Variants in CDH18 observed in about 807,000 individuals in gnomAD.
The protein encoded by CDH18 is cadherin 18, also known as cadherin-18.
Under a neutral mutation model 67.9 loss-of-function variants are expected in CDH18, and 31 were observed. The observed-to-expected ratio is 0.46, with a 90% CI of 0.34 to 0.62. The LOEUF is 0.62. Among genes scored for constraint, CDH18 ranks in the 20% least tolerant of loss-of-function variants. The probability of loss-of-function intolerance (pLI) is 0.01; values close to 1 mark genes in which losing one functional copy is unlikely to be tolerated. For missense variants in CDH18, 890 were observed against 975.5 expected (o/e 0.91, Z 1.17); for synonymous variants, 362 against 347.2 (o/e 1.04, Z -0.48).
chr5:20,412,233 A>T (rs1454787154), intron 1 of CDH18, among the ~76,000 whole-genome samples: 2 of 152,190 alleles, frequency 1.3e-5, no homozygotes, highest in Non-Finnish European at 2.9e-5. Context: ...CAACCAACGG[A>T]TCTTTGACAA....
intron 5 of CDH18, among the ~76,000 whole-genome samples, chr5:19,619,209 G>T (rs982714823): frequency 6.6e-6 from 1 of 152,202 alleles, no homozygotes; most frequent in African/African-American, 2.4e-5. Context: ...TTGGCAATTC[G>T]AAGTGTGCTG....
intron 2 of CDH18, among the ~76,000 whole-genome samples, chr5:20,231,302 C>A (rs1038850250): frequency 1.3e-5 from 2 of 152,088 alleles, no homozygotes; most frequent in Non-Finnish European, 2.9e-5. Context: ...AGATTTAAGT[C>A]ACCTTAGAAA....
At chr5:20,305,290 C>T in intron 1 of CDH18, 2 of 1,500,582 alleles carry the variant, frequency 1.3e-6, no homozygotes, top group Non-Finnish European at 1.9e-6. Context: ...AAAGCCTCCT[C>T]TACTGTCAGA....
chr5:19,481,311 A>G lies in CDH18; in HGVS notation c.1882+1990T>C, dbSNP rs543608498. ...GTTCAGGATCTACATTCAGCAACAT[A>G]TAAGAAGTTATATTTGAGGCCATTC... On this transcript the variant is annotated intron_variant, in intron 12 of 12. Transcript: ENST00000382275. 2.0e-5 allele frequency among the ~76,000 whole-genome samples: 3 copies of G among 152,290 alleles called. No homozygotes were observed. The South Asian group carries it at 6.2e-4, about 32-fold the overall frequency.
intron 2 of CDH18, among the ~76,000 whole-genome samples, chr5:19,872,700 T>C (rs549093528): frequency 1.3e-5 from 2 of 152,324 alleles, no homozygotes; most frequent in Admixed American, 1.3e-4. Flanking sequence ...GAGCTTCAGT[T>C]AAGTCAGCTA....
intron 2 of CDH18, among the ~76,000 whole-genome samples, chr5:19,964,964 A>G (rs1304265515): frequency 1.3e-5 from 2 of 152,160 alleles, no homozygotes; most frequent in Admixed American, 1.3e-4. Flanking sequence ...AAAACATTCA[A>G]TGATGTATTA....
At position 19,787,809 on chromosome 5, in the gene CDH18, T is replaced by TTATATATATATATATATATATATA. The variant is rs35850823; in HGVS notation, c.229-40574_229-40573insTATATATATATATATATATATATA. 1.5e-3 allele frequency among the ~76,000 whole-genome samples: 212 copies of TTATATATATATATATATATATATA among 144,240 alleles called. 1 individual carries two copies. The highest frequency in any genetic ancestry group is 1.7e-3 in the African/African-American group (68 of 39,178). The allele number at this position is 144,240 out of a possible 152,430, so 94.6% of individuals were successfully genotyped here. On this transcript the variant is annotated intron_variant, in intron 3 of 12. Coordinates refer to ENST00000382275, the MANE Select transcript of CDH18 (RefSeq NM_004934.5). Reference sequence around the variant, plus strand: ...TCCAATGAATAGCAGTAATTTACAGTTATATATATATATATATATGTTTAC... The same window carrying TTATATATATATATATATATATATA: ...TCCAATGAATAGCAGTAATTTACAGTTATATATATATATATATATATATATATATATATATATATATATGTTTAC...
chr5:20,012,565 G>A (rs576877215), intron 2 of CDH18, among the ~76,000 whole-genome samples: 1 of 151,928 alleles, frequency 6.6e-6, no homozygotes, highest in Non-Finnish European at 1.5e-5. Flanking sequence ...TAACCAAGGA[G>A]GTGAAAGATC....
intron 4 of CDH18, among the ~76,000 whole-genome samples, chr5:19,723,570 A>G (rs1766394653): frequency 6.6e-6 from 1 of 152,222 alleles, no homozygotes; most frequent in Non-Finnish European, 1.5e-5. Flanking sequence ...GTATGGTGAC[A>G]GTAACTTTGC....
At chr5:20,441,585 G>A (rs773625022) in intron 1 of CDH18, among the ~76,000 whole-genome samples, 1 of 151,824 alleles carries the variant, frequency 6.6e-6, no homozygotes, top group Admixed American at 6.6e-5. Context: ...TTTTGGTTCT[G>A]AACTCATAAT....
At chr5:19,696,489 T>C (rs532201805) in intron 5 of CDH18, among the ~76,000 whole-genome samples, 13 of 151,602 alleles carry the variant, frequency 8.6e-5, no homozygotes, top group African/African-American at 2.2e-4. Flanking sequence ...TGAGCCGAGA[T>C]TGATCCACTG....
chr5:19,843,778 G>A (rs1782612102), intron 2 of CDH18, among the ~76,000 whole-genome samples: 1 of 152,214 alleles, frequency 6.6e-6, no homozygotes, highest in South Asian at 2.1e-4. Flanking sequence ...TAGGCCATGG[G>A]AGCCCAACCT....
At chr5:20,483,273 A>G (rs1240379458) in intron 1 of CDH18, among the ~76,000 whole-genome samples, 1 of 152,060 alleles carries the variant, frequency 6.6e-6, no homozygotes, top group Non-Finnish European at 1.5e-5. Flanking sequence ...TGAAGAGGAC[A>G]CCAAAAAAGA....
At chr5:20,334,456 G>T (rs1168254819) in intron 1 of CDH18, among the ~76,000 whole-genome samples, 1 of 151,898 alleles carries the variant, frequency 6.6e-6, no homozygotes, top group Non-Finnish European at 1.5e-5. Flanking sequence ...TTCTTAATAG[G>T]CACTGGAAAG....
intron 1 of CDH18, among the ~76,000 whole-genome samples, chr5:20,534,829 G>GGTATT (rs10631424): frequency 1.4e-5 from 2 of 148,014 alleles, no homozygotes; most frequent in Admixed American, 1.4e-4. Flanking sequence ...CTAAATACAT[G>GGTATT]TATTTATTTA....
At chr5:19,769,002 A>G (rs1773421421) in intron 3 of CDH18, among the ~76,000 whole-genome samples, 1 of 152,108 alleles carries the variant, frequency 6.6e-6, no homozygotes, top group Non-Finnish European at 1.5e-5. Context: ...CAAGAGGTCA[A>G]TTGAGATTAT....
intron 1 of CDH18, among the ~76,000 whole-genome samples, chr5:20,400,702 C>T (rs765904388): frequency 2.0e-5 from 3 of 151,976 alleles, no homozygotes; most frequent in Non-Finnish European, 4.4e-5. Context: ...GCGGAGGTTG[C>T]AGTGAACAGA....
intron 1 of CDH18, among the ~76,000 whole-genome samples, chr5:20,458,747 CA>C (rs1488192046): frequency 1.3e-5 from 2 of 152,078 alleles, no homozygotes; most frequent in African/African-American, 4.8e-5. Flanking sequence ...TTGGAAGAGG[CA>C]AAATTTAAAT....
At chr5:20,207,044 A>C (rs1343553675) in intron 2 of CDH18, among the ~76,000 whole-genome samples, 1 of 151,980 alleles carries the variant, frequency 6.6e-6, no homozygotes, top group African/African-American at 2.4e-5. Flanking sequence ...ATTGAACATA[A>C]ATAAGTCAAA....
Sources: allele counts gnomAD v4.1 joint callset (sites outside exome capture counted in the v4.1 genomes callset), GRCh38; gene constraint gnomAD v4.1.1; transcripts MANE v1.5; gene names NCBI Gene and HGNC (gene_info 2026-07-23, HGNC 2026-07-21).